The following FAM3D variants were observed in gnomAD, a reference collection of about 807,000 sequenced individuals.
The protein encoded by FAM3D is protein FAM3D.
A neutral mutation model predicts 29.8 loss-of-function variants in FAM3D; 26 were observed. The ratio of observed to expected loss-of-function variants is 0.87; its 90% confidence interval spans 0.64 to 1.21. The LOEUF (loss-of-function observed/expected upper bound fraction) is 1.21. FAM3D is among the 50% of genes most tolerant of loss of function. FAM3D has a pLI of 0.00. For synonymous variants in FAM3D, 115 were observed against 102.3 expected (o/e 1.12, Z -0.75); for missense variants, 253 against 290.9 (o/e 0.87, Z 0.95).
chr3:58,654,476 C>T (rs1411902751), intron 2 of FAM3D, among the ~76,000 whole-genome samples: 1 of 152,218 alleles, frequency 6.6e-6, no homozygotes, highest in African/African-American at 2.4e-5. Context: ...TGGCCCCTGC[C>T]TCATGGCCAG....
chr3:58,640,670 C>G (rs1450761874), intron 6 of FAM3D, among the ~76,000 whole-genome samples: 1 of 152,252 alleles, frequency 6.6e-6, no homozygotes. Context: ...TTGGGCTAAG[C>G]GGTACTCAGT....
intron 5 of FAM3D, 47 bp from the exon 6 acceptor site, chr3:58,643,767 A>G: frequency 6.4e-7 from 1 of 1,559,892 alleles, no homozygotes; most frequent in East Asian, 2.2e-5. Context: ...CGAGTGTGGA[A>G]TGAACACTCT....
chr3:58,643,061 C>T (rs893420071), intron 6 of FAM3D, among the ~76,000 whole-genome samples: 1 of 152,228 alleles, frequency 6.6e-6, no homozygotes, highest in African/African-American at 2.4e-5. Flanking sequence ...CTGGAAGCCT[C>T]CCCTGAACCA....
intron 5 of FAM3D, among the ~76,000 whole-genome samples, chr3:58,644,783 G>C (rs2066429869): frequency 6.6e-6 from 1 of 152,096 alleles, no homozygotes; most frequent in African/African-American, 2.4e-5. Flanking sequence ...AAAAAAAAAA[G>C]CAAAGCTATT....
At chr3:58,665,562 G>C (rs2106975982) in intron 1 of FAM3D, among the ~76,000 whole-genome samples, 1 of 152,262 alleles carries the variant, frequency 6.6e-6, no homozygotes, top group Admixed American at 6.5e-5. Flanking sequence ...TTTTTTACCT[G>C]ACCCAATTAA....
chr3:58,650,523 C>A (rs1322906526), intron 3 of FAM3D, among the ~76,000 whole-genome samples: 2 of 151,922 alleles, frequency 1.3e-5, no homozygotes, highest in African/African-American at 4.8e-5. Flanking sequence ...GAATGAGGCC[C>A]TAATCTGTTG....
intron 4 of FAM3D, among the ~76,000 whole-genome samples, chr3:58,646,217 A>C (rs1413091918): frequency 1.3e-5 from 2 of 152,190 alleles, no homozygotes; most frequent in Non-Finnish European, 2.9e-5. Flanking sequence ...TTTATCACTC[A>C]TTTACTGAGC....
At chr3:58,648,004 A>G (rs957910156) in intron 4 of FAM3D, among the ~76,000 whole-genome samples, 2 of 152,204 alleles carry the variant, frequency 1.3e-5, no homozygotes, top group Admixed American at 1.3e-4. Context: ...TTAAAGGCTT[A>G]ATGATAAATC....
At chr3:58,656,868 T>C (rs911175218) in intron 1 of FAM3D, among the ~76,000 whole-genome samples, 3 of 152,172 alleles carry the variant, frequency 2.0e-5, no homozygotes, top group Non-Finnish European at 4.4e-5. Context: ...CATATGTACA[T>C]TGAGAGGTGC....
At chr3:58,658,665 G>A (rs1377316717) in intron 1 of FAM3D, among the ~76,000 whole-genome samples, 1 of 152,152 alleles carries the variant, frequency 6.6e-6, no homozygotes, top group East Asian at 1.9e-4. Flanking sequence ...CATGGCACCC[G>A]CCCTGTCATA....
intron 6 of FAM3D, among the ~76,000 whole-genome samples, 180 bp downstream of exon 6, chr3:58,643,482 C>T (rs1263126597): frequency 2.0e-5 from 3 of 152,238 alleles, no homozygotes; most frequent in Non-Finnish European, 4.4e-5. Flanking sequence ...GGTTCTACAG[C>T]TCTGCGGGTC....
At position 58,643,728 on chromosome 3, in the gene FAM3D, CAATG is replaced by C; in HGVS notation, c.264-12_264-9del. The C allele has an allele frequency of 1.9e-6, 3 of 1,613,856 alleles. No homozygotes were observed. Among genetic ancestry groups the C allele is most frequent in the Non-Finnish European group, 2.5e-6 (3 of 1,179,874 alleles). ...TTCACAGGACTCATGATCCTGAAGA[CAATG>C]AAGAAGAAATATGACAGTCGGTCCC... is the stretch of plus-strand genomic sequence containing the variant. On this transcript the variant is annotated splice_polypyrimidine_tract_variant and intron_variant, in intron 5 of 9. Transcript: ENST00000358781.
At chr3:58,663,241 G>A (rs1305972649) in intron 1 of FAM3D, among the ~76,000 whole-genome samples, 1 of 152,202 alleles carries the variant, frequency 6.6e-6, no homozygotes, top group Non-Finnish European at 1.5e-5. Context: ...GAGAGGAGCT[G>A]CCTTTCTGCT....
At chr3:58,640,760 C>G (rs1454942374) in intron 6 of FAM3D, among the ~76,000 whole-genome samples, 1 of 152,242 alleles carries the variant, frequency 6.6e-6, no homozygotes, top group Non-Finnish European at 1.5e-5. Context: ...TCCAGGGAAC[C>G]GAGTCTTCTG....
chr3:58,637,427 G>A (rs2066206382), intron 7 of FAM3D, among the ~76,000 whole-genome samples: 1 of 152,138 alleles, frequency 6.6e-6, no homozygotes, highest in African/African-American at 2.4e-5. Flanking sequence ...CAGAGTGAGG[G>A]GAACTCATCC....
chr3:58,653,716 T>A lies in FAM3D; in HGVS notation c.79A>T (p.Met27Leu). Residue 27 changes from methionine to leucine, a missense_variant, in exon 3 of 10, where the codon ATG becomes TTG. Coordinates refer to ENST00000358781, the MANE Select transcript of FAM3D (RefSeq NM_138805.3). ...CGGATGGTTTTCATGCTGAAGCTCA[T>A]GTAGCTTCGAATAAACATCCATGTC... ...VTTWMFIRSY[M>L]SFSMKTIRLP... 3 of 1,614,078 alleles carry A rather than the reference T, an allele frequency of 1.9e-6. No individual in the cohort carries two copies. The highest frequency in any genetic ancestry group is 2.5e-6 in the Non-Finnish European group (3 of 1,180,044).
rs112231569 is a variant in FAM3D, at chr3:58,640,992, C to G, written c.323-815G>C. Among the ~76,000 whole-genome samples, 1,384 of 150,296 alleles carry G rather than the reference C, an allele frequency of 9.2e-3. 63 individuals are homozygous for G. The East Asian group carries it at 0.15, about 16-fold the overall frequency. On this transcript the variant is annotated intron_variant, in intron 6 of 9. Coordinates refer to ENST00000358781, the MANE Select transcript of FAM3D (RefSeq NM_138805.3). ...AGGAGTCTATGAACCCATGGGGCTGCTTTTGTGATCGCGTGCGCTTGTGAA... is the reference window on the plus strand; with the variant it reads ...AGGAGTCTATGAACCCATGGGGCTGGTTTTGTGATCGCGTGCGCTTGTGAA...
chr3:58,649,394 A>G (rs1208782949), intron 3 of FAM3D, 56 bp from the exon 4 acceptor site: 2 of 1,476,000 alleles, frequency 1.4e-6, no homozygotes, highest in South Asian at 2.3e-5. Context: ...CTCCTGCAGG[A>G]TGGAGGTTGG....
chr3:58,645,015 C>T (rs557780384), intron 5 of FAM3D, among the ~76,000 whole-genome samples: 45 of 152,346 alleles, frequency 3.0e-4, no homozygotes, highest in African/African-American at 9.6e-4. Context: ...CTTGCTGTCC[C>T]AGGGCCTTTA....
Sources: allele counts gnomAD v4.1 joint callset (sites outside exome capture counted in the v4.1 genomes callset), GRCh38; gene constraint gnomAD v4.1.1; transcripts MANE v1.5; gene names NCBI Gene and HGNC (gene_info 2026-07-23, HGNC 2026-07-21).